Variants in PRKG1 observed in about 807,000 individuals in gnomAD.
The protein encoded by PRKG1 is protein kinase cGMP-dependent 1.
PRKG1 carries 35 observed loss-of-function variants against 88.1 expected under a neutral mutation model. The ratio of observed to expected loss-of-function variants is 0.40; its 90% CI spans 0.30 to 0.53. The LOEUF (loss-of-function observed/expected upper bound fraction) is 0.53. Among genes scored for constraint, PRKG1 ranks in the 20% least tolerant of loss-of-function variants. The pLI is 0.59. For synonymous variants in PRKG1, 303 were observed against 292.5 expected (o/e 1.04, Z -0.37); for missense variants, 540 against 839.8 (o/e 0.64, Z 4.41).
At chr10:51,634,378 G>T (rs1169030618) in intron 3 of PRKG1, among the ~76,000 whole-genome samples, 1 of 152,006 alleles carries the variant, frequency 6.6e-6, no homozygotes, top group Non-Finnish European at 1.5e-5. Context: ...CATATAATTA[G>T]GGCCAAAGGG....
At chr10:51,691,330 T>C (rs1217399742) in intron 3 of PRKG1, among the ~76,000 whole-genome samples, 1 of 147,006 alleles carries the variant, frequency 6.8e-6, no homozygotes, top group Non-Finnish European at 1.5e-5. Flanking sequence ...TTTTTTGAGA[T>C]AAGGTCTTGC....
intron 3 of PRKG1, among the ~76,000 whole-genome samples, chr10:51,803,015 C>T (rs1839215429): frequency 6.6e-6 from 1 of 152,080 alleles, no homozygotes; most frequent in Admixed American, 6.6e-5. Context: ...ACTCTTTGCC[C>T]ACCTCTTTTG....
At chr10:51,560,556 C>T (rs1837431868) in intron 3 of PRKG1, among the ~76,000 whole-genome samples, 1 of 151,946 alleles carries the variant, frequency 6.6e-6, no homozygotes, top group East Asian at 1.9e-4. Flanking sequence ...AAAGAAAATA[C>T]CATGCCCCAT....
chr10:52,215,776 A>G (rs553828906), intron 9 of PRKG1, among the ~76,000 whole-genome samples: 1 of 152,306 alleles, frequency 6.6e-6, no homozygotes, highest in African/African-American at 2.4e-5. Flanking sequence ...TCTCATTCAG[A>G]ATATAACTGA....
intron 3 of PRKG1, among the ~76,000 whole-genome samples, chr10:51,472,838 G>A (rs1339123019): frequency 6.6e-6 from 1 of 151,952 alleles, no homozygotes; most frequent in Non-Finnish European, 1.5e-5. Flanking sequence ...TAATGAGACA[G>A]TCTCTGTTCT....
chr10:51,327,384 T>G (rs1841619474), intron 2 of PRKG1, among the ~76,000 whole-genome samples: 1 of 146,018 alleles, frequency 6.8e-6, no homozygotes, highest in Admixed American at 7.0e-5. Context: ...ACCACTGTAC[T>G]CCAGTCTGGG....
intron 1 of PRKG1, among the ~76,000 whole-genome samples, chr10:51,050,057 A>AT (rs1371101090): frequency 6.6e-6 from 1 of 151,946 alleles, no homozygotes; most frequent in Non-Finnish European, 1.5e-5. Context: ...ATTTCAATGG[A>AT]TTTTATATTT....
chr10:51,777,173 T>C (rs1389418390), intron 3 of PRKG1, among the ~76,000 whole-genome samples: 3 of 152,136 alleles, frequency 2.0e-5, no homozygotes, highest in African/African-American at 4.8e-5. Flanking sequence ...TAAGTACCTG[T>C]TTGGTGTCTA....
intron 3 of PRKG1, among the ~76,000 whole-genome samples, chr10:51,625,905 TG>T (rs1220364672): frequency 3.0e-4 from 46 of 152,194 alleles, no homozygotes; most frequent in Admixed American, 3.0e-3. Flanking sequence ...CTTCTCCCCA[TG>T]TATATTCTTA....
intron 5 of PRKG1, among the ~76,000 whole-genome samples, chr10:51,919,945 G>A (rs889000941): frequency 1.3e-5 from 2 of 152,158 alleles, no homozygotes; most frequent in African/African-American, 4.8e-5. Context: ...AGAAGTCTGA[G>A]TAGGCTTACA....
chr10:51,532,662 G>A (rs1842047271), intron 3 of PRKG1, among the ~76,000 whole-genome samples: 1 of 152,164 alleles, frequency 6.6e-6, no homozygotes, highest in Admixed American at 6.5e-5. Flanking sequence ...TGGCTTCACA[G>A]AAGTAGCATC....
intron 2 of PRKG1, among the ~76,000 whole-genome samples, chr10:51,401,746 T>A (rs1037864275): frequency 8.5e-5 from 13 of 152,100 alleles, no homozygotes; most frequent in Admixed American, 8.5e-4. Context: ...CTCCCCATAA[T>A]TAAGAGTTTA....
chr10:51,161,586 G>T (rs1405028508), intron 2 of PRKG1, among the ~76,000 whole-genome samples: 1 of 152,158 alleles, frequency 6.6e-6, no homozygotes, highest in Non-Finnish European at 1.5e-5. Context: ...TGCTGTACTT[G>T]TTTTGAGATG....
chr10:51,206,819 A>G (rs1042080848), intron 2 of PRKG1, among the ~76,000 whole-genome samples: 9 of 152,194 alleles, frequency 5.9e-5, no homozygotes, highest in Non-Finnish European at 1.0e-4. Context: ...ACTAATTGGG[A>G]CAGGGAGGCG....
chr10:52,109,904 C>T (rs975119380), intron 7 of PRKG1, among the ~76,000 whole-genome samples: 2 of 151,886 alleles, frequency 1.3e-5, no homozygotes, highest in South Asian at 2.1e-4. Flanking sequence ...CTCATCTTCC[C>T]GGGCCATGTC....
chr10:51,058,861 C>A (rs997452832), intron 1 of PRKG1, among the ~76,000 whole-genome samples: 3 of 152,094 alleles, frequency 2.0e-5, no homozygotes, highest in Non-Finnish European at 4.4e-5. Context: ...GCACAAGATT[C>A]ATTTACTTGA....
intron 5 of PRKG1, among the ~76,000 whole-genome samples, chr10:51,950,520 C>A (rs777402682): frequency 1.3e-5 from 2 of 152,228 alleles, no homozygotes; most frequent in Non-Finnish European, 1.5e-5. Flanking sequence ...CTGCCCCTTG[C>A]GGAAGGGAGC....
intron 5 of PRKG1, among the ~76,000 whole-genome samples, chr10:51,916,976 T>A (rs755228286): frequency 1.3e-5 from 2 of 152,034 alleles, no homozygotes; most frequent in African/African-American, 4.8e-5. Context: ...AATCTATATA[T>A]AGAGAAAGTA....
chr10:51,225,759 A>C (rs1677756281), intron 2 of PRKG1, among the ~76,000 whole-genome samples: 1 of 150,016 alleles, frequency 6.7e-6, no homozygotes, highest in South Asian at 2.1e-4. Flanking sequence ...ATTGTCATTA[A>C]AAAAATACTG....
Sources: allele counts gnomAD v4.1 joint callset (sites outside exome capture counted in the v4.1 genomes callset), GRCh38; gene constraint gnomAD v4.1.1; transcripts MANE v1.5; gene names NCBI Gene and HGNC (gene_info 2026-07-23, HGNC 2026-07-21).